The following EXT1 variants were observed in gnomAD, a reference collection of about 807,000 sequenced individuals.
EXT1 encodes exostosin-1.
In EXT1, 20 loss-of-function variants were observed where a neutral mutation model predicts 82.5. That is an observed-to-expected ratio of 0.24 (90% CI 0.17 to 0.35). The LOEUF (loss-of-function observed/expected upper bound fraction) is 0.35. EXT1 is among the 10% of genes least tolerant of loss of function. EXT1 has a pLI of 1.00. For missense variants in EXT1, 757 were observed against 936.5 expected (o/e 0.81, Z 2.50); for synonymous variants, 348 against 350.8 (o/e 0.99, Z 0.09).
chr8:118,109,998 C>A (rs1817864473), intron 1 of EXT1, 87 bp downstream of exon 1: 1 of 1,604,332 alleles, frequency 6.2e-7, no homozygotes, highest in Non-Finnish European at 8.5e-7. Flanking sequence ...CTCATCCGCC[C>A]TCACCCCATC....
chr8:117,810,498 T>G (rs1469939479), intron 8 of EXT1, among the ~76,000 whole-genome samples: 1 of 152,212 alleles, frequency 6.6e-6, no homozygotes, highest in Non-Finnish European at 1.5e-5. Flanking sequence ...TGGTTGGAAT[T>G]GCTATTCTTT....
At chr8:118,005,262 A>T (rs1322517338) in intron 1 of EXT1, among the ~76,000 whole-genome samples, 2 of 152,208 alleles carry the variant, frequency 1.3e-5, no homozygotes, top group African/African-American at 4.8e-5. Flanking sequence ...ATTAGGGATT[A>T]GTCTAAACCC....
chr8:117,973,039 GACCTT>G (rs1021169522), intron 1 of EXT1, among the ~76,000 whole-genome samples: 13 of 152,128 alleles, frequency 8.5e-5, no homozygotes, highest in African/African-American at 3.1e-4. Flanking sequence ...GACACATGTT[GACCTT>G]ACCTTAAGCC....
chr8:117,989,928 GC>G (rs1180220305), intron 1 of EXT1, among the ~76,000 whole-genome samples: 1 of 152,200 alleles, frequency 6.6e-6, no homozygotes, highest in African/African-American at 2.4e-5. Context: ...GGGCACAGTG[GC>G]TCACGCCTAT....
At chr8:117,969,242 C>T (rs1814890969) in intron 1 of EXT1, among the ~76,000 whole-genome samples, 1 of 152,170 alleles carries the variant, frequency 6.6e-6, no homozygotes, top group African/African-American at 2.4e-5. Context: ...CCAAGAAGAT[C>T]CTTTTATACT....
chr8:117,843,600 G>T (rs926827686), intron 1 of EXT1, among the ~76,000 whole-genome samples: 23 of 152,188 alleles, frequency 1.5e-4, no homozygotes, highest in African/African-American at 5.3e-4. Flanking sequence ...TGTTACTGGT[G>T]GGTTGCCACT....
intron 1 of EXT1, among the ~76,000 whole-genome samples, chr8:117,890,027 TC>T: frequency 6.6e-6 from 1 of 152,234 alleles, no homozygotes; most frequent in Middle Eastern, 3.4e-3. Flanking sequence ...GAAAAATTTG[TC>T]CCCCCAAATT....
At chr8:117,898,389 A>G (rs1813382115) in intron 1 of EXT1, among the ~76,000 whole-genome samples, 1 of 152,174 alleles carries the variant, frequency 6.6e-6, no homozygotes, top group South Asian at 2.1e-4. Flanking sequence ...TCTTTTTTCT[A>G]GTTTCAATCC....
intron 1 of EXT1, among the ~76,000 whole-genome samples, chr8:117,861,500 T>TAGAG (rs1490159075): frequency 0.028 from 3,201 of 114,700 alleles, 505 homozygotes; most frequent in Non-Finnish European, 0.043. Context: ...TTTTTTTTTT[T>TAGAG]TTTTTTTTTT....
intron 1 of EXT1, among the ~76,000 whole-genome samples, chr8:118,046,308 A>C (rs1477623825): frequency 6.6e-6 from 1 of 152,146 alleles, no homozygotes; most frequent in Non-Finnish European, 1.5e-5. Context: ...TGGATCCATG[A>C]GCATCAGCTA....
chr8:117,918,166 G>A (rs563623536), intron 1 of EXT1, among the ~76,000 whole-genome samples: 3 of 152,298 alleles, frequency 2.0e-5, no homozygotes, highest in African/African-American at 7.2e-5. Flanking sequence ...TGTGAAGTTG[G>A]TATTTCCTAT....
At chr8:117,898,557 G>A (rs1007303970) in intron 1 of EXT1, among the ~76,000 whole-genome samples, 4 of 152,210 alleles carry the variant, frequency 2.6e-5, no homozygotes, top group Admixed American at 2.6e-4. Flanking sequence ...ACCTGTACAA[G>A]TTGAATTCGA....
At position 118,057,549 on chromosome 8, in the gene EXT1, TA is replaced by T. The variant is rs201372602; in HGVS notation, c.962+52535del. 2.7e-5 allele frequency among the ~76,000 whole-genome samples: 4 copies of T among 147,414 alleles called. No individual in the cohort carries two copies. In the South Asian group the frequency reaches 8.6e-4, roughly 32 times the overall value. Reference sequence around the variant, plus strand: ...ACAAGAGCGAAACTCCATCTTAATTTAAAAAAAAAGAAAAAGAAAAAGAAGA... The same window carrying T: ...ACAAGAGCGAAACTCCATCTTAATTTAAAAAAAAGAAAAAGAAAAAGAAGA... On this transcript the variant is annotated intron_variant, in intron 1 of 10. Coordinates refer to ENST00000378204, the MANE Select transcript of EXT1 (RefSeq NM_000127.3).
intron 1 of EXT1, among the ~76,000 whole-genome samples, chr8:117,894,771 G>A (rs941852413): frequency 7.2e-5 from 11 of 152,152 alleles, no homozygotes; most frequent in African/African-American, 2.7e-4. Flanking sequence ...GAGAGGCTGC[G>A]ACTGATCTGG....
chr8:117,990,067 G>A (rs1815402197), intron 1 of EXT1, among the ~76,000 whole-genome samples: 2 of 152,092 alleles, frequency 1.3e-5, no homozygotes, highest in African/African-American at 4.8e-5. Flanking sequence ...CAGCTACTCG[G>A]GAGGCTGAGG....
intron 8 of EXT1, 76 bp from the exon 9 acceptor site, chr8:117,807,453 T>C: frequency 1.3e-6 from 2 of 1,525,320 alleles, no homozygotes; most frequent in Non-Finnish European, 1.8e-6. Context: ...TTCTCCCCAC[T>C]AATTCATAAT....
intron 1 of EXT1, among the ~76,000 whole-genome samples, chr8:118,047,021 T>C (rs1033201292): frequency 6.6e-6 from 1 of 152,182 alleles, no homozygotes; most frequent in Non-Finnish European, 1.5e-5. Flanking sequence ...AATGGCCACA[T>C]AGAGCGACCA....
At chr8:118,092,276 A>G (rs1293884945) in intron 1 of EXT1, among the ~76,000 whole-genome samples, 1 of 152,224 alleles carries the variant, frequency 6.6e-6, no homozygotes, top group African/African-American at 2.4e-5. Context: ...AGTCCAGAAT[A>G]TACCATATCT....
intron 1 of EXT1, among the ~76,000 whole-genome samples, chr8:117,854,631 AATG>A (rs1812510942): frequency 6.6e-6 from 1 of 152,258 alleles, no homozygotes; most frequent in Non-Finnish European, 1.5e-5. Context: ...TAGAAATAAC[AATG>A]ATAATGATGA....
Sources: gnomAD v4.1 joint callset for allele counts (sites outside exome capture counted in the v4.1 genomes callset) on GRCh38, gnomAD v4.1.1 for gene constraint, MANE v1.5 for transcripts, NCBI Gene and HGNC (gene_info 2026-07-23, HGNC 2026-07-21) for gene names.